DPYD: variants seen among roughly 807,000 people sequenced by gnomAD.
The protein encoded by DPYD is dihydropyrimidine dehydrogenase, also known as dihydropyrimidine dehydrogenase [NADP(+)].
Under a neutral mutation model 116.2 loss-of-function variants are expected in DPYD, and 109 were observed. That is an observed-to-expected ratio of 0.94 (90% CI 0.80 to 1.10). The LOEUF (loss-of-function observed/expected upper bound fraction) is 1.10, where lower values mean the gene tolerates loss of function less well. Among genes scored for constraint, DPYD ranks in the 50% least tolerant of loss-of-function variants. The pLI, the probability that DPYD is intolerant of heterozygous loss-of-function variation, is 0.00. For synonymous variants in DPYD, 440 were observed against 432.0 expected, an observed-to-expected ratio of 1.02 and a Z score of -0.23; for missense variants, 1,302 against 1,254.5, an observed-to-expected ratio of 1.04 and a Z score of -0.57.
chr1:97,184,783 AG>A (rs1202568710), intron 20 of DPYD, among the ~76,000 whole-genome samples: 4 of 152,136 alleles, frequency 2.6e-5, no homozygotes, highest in African/African-American at 7.2e-5. Flanking sequence ...GTGTATTTAT[AG>A]GTTCTTTAGG....
At chr1:97,822,328 A>G (rs1215873390) in intron 3 of DPYD, among the ~76,000 whole-genome samples, 1 of 148,184 alleles carries the variant, frequency 6.7e-6, no homozygotes, top group African/African-American at 2.4e-5. Context: ...ATCTGTATAT[A>G]TACACAGATT....
At chr1:97,206,947 C>T (rs770048992) in intron 19 of DPYD, among the ~76,000 whole-genome samples, 2 of 151,492 alleles carry the variant, frequency 1.3e-5, no homozygotes, top group Non-Finnish European at 2.9e-5. Context: ...ATAAAACATA[C>T]ATAATTATCT....
chr1:97,326,027 G>C (rs1257478872), intron 16 of DPYD, among the ~76,000 whole-genome samples: 2 of 151,592 alleles, frequency 1.3e-5, no homozygotes, highest in Non-Finnish European at 2.9e-5. Context: ...TGGGGTGAGA[G>C]TATAAGAGTC....
chr1:97,466,415 C>T (rs544827578), intron 13 of DPYD, among the ~76,000 whole-genome samples: 4 of 151,436 alleles, frequency 2.6e-5, no homozygotes, highest in South Asian at 4.2e-4. Flanking sequence ...TCTGACTTCA[C>T]GTGTATATTC....
intron 20 of DPYD, among the ~76,000 whole-genome samples, chr1:97,153,842 A>G (rs1263986811): frequency 6.6e-6 from 1 of 152,140 alleles, no homozygotes; most frequent in East Asian, 1.9e-4. Flanking sequence ...GGCTAAGGAC[A>G]TGAAAAGACA....
chr1:97,261,143 C>A (rs1453600230), intron 18 of DPYD, among the ~76,000 whole-genome samples: 1 of 152,016 alleles, frequency 6.6e-6, no homozygotes, highest in African/African-American at 2.4e-5. Context: ...GTATGACAAA[C>A]ACATGACAAA....
intron 2 of DPYD, among the ~76,000 whole-genome samples, chr1:97,869,722 T>C (rs1253662617): frequency 6.6e-6 from 1 of 151,776 alleles, no homozygotes; most frequent in Non-Finnish European, 1.5e-5. Flanking sequence ...CTCATATATT[T>C]ATCTTCCCAC....
At chr1:97,361,112 A>C (rs749184726) in intron 16 of DPYD, among the ~76,000 whole-genome samples, 6 of 152,206 alleles carry the variant, frequency 3.9e-5, no homozygotes, top group Non-Finnish European at 5.9e-5. Context: ...ATAATAAATG[A>C]TAAAGGGGAT....
intron 1 of DPYD, among the ~76,000 whole-genome samples, chr1:97,886,325 A>G (rs966963366): frequency 4.6e-5 from 7 of 152,084 alleles, no homozygotes; most frequent in South Asian, 2.1e-4. Context: ...CATGCTACAC[A>G]GAGACAAAAC....
chr1:97,473,605 G>T (rs761826126), intron 13 of DPYD, among the ~76,000 whole-genome samples: 1 of 152,178 alleles, frequency 6.6e-6, no homozygotes, highest in Non-Finnish European at 1.5e-5. Context: ...CACCAATTTG[G>T]ATGGCTAGTA....
chr1:97,232,437 A>G (rs1018158485), intron 19 of DPYD, among the ~76,000 whole-genome samples: 3 of 152,080 alleles, frequency 2.0e-5, no homozygotes, highest in Non-Finnish European at 2.9e-5. Context: ...CTACAGGTTT[A>G]TGTCTTTTGC....
intron 7 of DPYD, among the ~76,000 whole-genome samples, chr1:97,688,921 A>G (rs1571194367): frequency 1.3e-5 from 2 of 152,000 alleles, no homozygotes; most frequent in Admixed American, 1.3e-4. Context: ...GTAAGTATTT[A>G]CAAAGGGGAA....
intron 20 of DPYD, among the ~76,000 whole-genome samples, chr1:97,146,933 A>C (rs1394428697): frequency 6.6e-6 from 1 of 152,228 alleles, no homozygotes; most frequent in Non-Finnish European, 1.5e-5. Flanking sequence ...AAGGAAAATA[A>C]AGAGTCAGAA....
At chr1:97,401,974 T>C (rs1033300837) in intron 14 of DPYD, among the ~76,000 whole-genome samples, 1 of 152,144 alleles carries the variant, frequency 6.6e-6, no homozygotes, top group African/African-American at 2.4e-5. Context: ...TTTTGTTCAA[T>C]TGATCTATTT....
intron 16 of DPYD, among the ~76,000 whole-genome samples, chr1:97,362,932 C>A (rs551450527): frequency 6.6e-6 from 1 of 152,286 alleles, no homozygotes; most frequent in Non-Finnish European, 1.5e-5. Context: ...GCAATGGCAA[C>A]AGAAGGCAAA....
At chr1:97,083,291 A>C (rs896342198) in intron 21 of DPYD, among the ~76,000 whole-genome samples, 7 of 152,156 alleles carry the variant, frequency 4.6e-5, no homozygotes, top group Non-Finnish European at 8.8e-5. Flanking sequence ...GTTTTTAACT[A>C]TTAACATGAG....
At chr1:97,854,987 C>T (rs1670747544) in intron 2 of DPYD, 1 of 152,180 alleles carries the variant, frequency 6.6e-6, no homozygotes, top group Admixed American at 6.5e-5. Flanking sequence ...CAGCTAAGCC[C>T]ATCACCTCAG....
chr1:97,573,412 C>A (rs576587501), intron 11 of DPYD, among the ~76,000 whole-genome samples: 1 of 152,040 alleles, frequency 6.6e-6, no homozygotes, highest in Non-Finnish European at 1.5e-5. Flanking sequence ...TCATTGAAGA[C>A]TGGCTGTTCC....
rs561951222 is a variant in DPYD at position 97,655,728 on chromosome 1, C to T, written c.850+23367G>A. Reference sequence around the variant, plus strand: ...ACTGCTGCAGAAGACTCTGCCTCCACCCCGCCCCAACCAAGGGAAACAAAA... The same window carrying T: ...ACTGCTGCAGAAGACTCTGCCTCCATCCCGCCCCAACCAAGGGAAACAAAA... On this transcript the variant is annotated intron_variant, in intron 8 of 22. Coordinates refer to ENST00000370192, the MANE Select transcript of DPYD (RefSeq NM_000110.4). 1.1e-4 allele frequency among the ~76,000 whole-genome samples: 16 copies of T among 152,274 alleles called. No homozygotes were observed. The East Asian group carries it at 2.7e-3, about 26-fold the overall frequency.
Sources: allele counts gnomAD v4.1 joint callset (sites outside exome capture counted in the v4.1 genomes callset), GRCh38; gene constraint gnomAD v4.1.1; transcripts MANE v1.5; gene names NCBI Gene and HGNC (gene_info 2026-07-23, HGNC 2026-07-21).